The following DNMT1 variants were observed in gnomAD, a reference collection of about 807,000 sequenced individuals.
DNMT1 encodes the protein DNA methyltransferase 1, also known as DNA (cytosine-5)-methyltransferase 1.
In DNMT1, 24 loss-of-function variants were observed where a neutral mutation model predicts 205.3. That is an observed-to-expected ratio of 0.12 (90% confidence interval 0.08 to 0.16). DNMT1 has a LOEUF of 0.16. Among genes scored for constraint, DNMT1 ranks in the 10% least tolerant of loss-of-function variants. The probability of loss-of-function intolerance (pLI) is 1.00; values close to 1 mark genes in which losing one functional copy is unlikely to be tolerated. For missense variants in DNMT1, 1,293 were observed against 2,177.7 expected (o/e 0.59, Z 8.09); for synonymous variants, 817 against 839.8 (o/e 0.97, Z 0.47).
chr19:10,137,140 C>A lies in DNMT1; in HGVS notation c.4434G>T (p.Arg1478Ser), dbSNP rs755902999. The A allele has an allele frequency of 6.2e-7, 1 of 1,611,010 alleles. No homozygotes were observed. The highest frequency in any genetic ancestry group is 8.5e-7 in the Non-Finnish European group (1 of 1,179,236). ...CCCCAGAGCTGCTGCGGCCGTTCTT[C>A]CTGTCATGGTGGGTATACCGCAGCT... is the stretch of plus-strand genomic sequence containing the variant. The part of the protein sequence containing the change: ...ARKLRYTHHD[R>S]KNGRSSSGAL... The change falls in exon 37 of 41, where the codon AGG becomes AGT. Residue 1478 changes from arginine (R) to serine (S), a missense_variant. Coordinates refer to ENST00000359526, the MANE Select transcript of DNMT1 (RefSeq NM_001130823.3). This position sits in a 1 kb window ranked among gnomAD's most constrained non-coding sequence, Gnocchi z 6.4.
intron 7 of DNMT1, among the ~76,000 whole-genome samples, chr19:10,175,084 T>TACACACACACACACACACAC (rs201133845): frequency 8.8e-6 from 1 of 113,900 alleles, no homozygotes; most frequent in Non-Finnish European, 1.8e-5. Flanking sequence ...CATACATACA[T>TACACACACACACACACACAC]ACACACACAC....
chr19:10,175,078 C>G (rs543695785), intron 7 of DNMT1, among the ~76,000 whole-genome samples: 279 of 107,340 alleles, frequency 2.6e-3, no homozygotes, highest in African/African-American at 0.011. Flanking sequence ...TAAATACATA[C>G]ATACATACAC....
intron 12 of DNMT1, 66 bp downstream of exon 12, chr19:10,163,260 C>T: frequency 6.3e-7 from 1 of 1,578,260 alleles, no homozygotes. Context: ...AGCCACCACA[C>T]CTGGCCTAGA....
rs1395429926 is a variant in DNMT1 at position 10,151,003 on chromosome 19, G to A, written c.2265+395C>T. Among the ~76,000 whole-genome samples, 8 of 152,340 alleles carry A rather than the reference G, an allele frequency of 5.3e-5. No homozygotes were observed. The highest frequency in any genetic ancestry group is 1.7e-4 in the African/African-American group (7 of 41,590). On this transcript the variant is annotated intron_variant, in intron 24 of 40. Coordinates refer to ENST00000359526, the MANE Select transcript of DNMT1 (RefSeq NM_001130823.3). The surrounding 1 kb of genome is among the most constrained non-coding windows in gnomAD (Gnocchi z 5.0). ...TCAGCTATTCAGGAGGGTGGGGCAG[G>A]AGAATCGCTTGAACCTGGGAGGCAG... is the stretch of plus-strand genomic sequence containing the variant.
In DNMT1 at chr19:10,173,075, GT is replaced by G; in HGVS notation, c.768+14del. ...TAAGGGAGAATTAACAAACTTAGAG[GT>G]GATAGAGCTTTACTTTTTCATCTCT... is the stretch of plus-strand genomic sequence containing the variant. On this transcript the variant is annotated intron_variant, in intron 9 of 40. Coordinates refer to ENST00000359526, the MANE Select transcript of DNMT1 (RefSeq NM_001130823.3). 1 of 1,614,028 alleles carries G rather than the reference GT, an allele frequency of 6.2e-7. No individual in the cohort carries two copies.
intron 9 of DNMT1, 136 bp from the exon 10 acceptor site, chr19:10,168,500 G>T: frequency 1.2e-6 from 1 of 849,790 alleles, no homozygotes. Context: ...CTACCAGTGG[G>T]CACAGTAGCT....
At chr19:10,170,439 G>C (rs2038792697) in intron 9 of DNMT1, among the ~76,000 whole-genome samples, 2 of 152,128 alleles carry the variant, frequency 1.3e-5, no homozygotes, top group Non-Finnish European at 1.5e-5. Flanking sequence ...AGGAGTTCGA[G>C]ACCAGCCTAG....
intron 1 of DNMT1, among the ~76,000 whole-genome samples, chr19:10,182,357 GTA>G (rs970515678): frequency 2.5e-4 from 38 of 149,926 alleles, no homozygotes; most frequent in African/African-American, 7.6e-4. Flanking sequence ...ACAATTATGT[GTA>G]TGTGTGTGTG....
chr19:10,177,463 G>C, intron 5 of DNMT1, 96 bp from the exon 6 acceptor site: 1 of 1,215,964 alleles, frequency 8.2e-7, no homozygotes, highest in Non-Finnish European at 1.2e-6. Context: ...CTAAGCTATT[G>C]CAGGAAGCCA....
chr19:10,144,842 G>A (rs6511570), intron 28 of DNMT1: 53,491 of 152,076 alleles, frequency 0.35, 10,114 homozygotes, highest in Non-Finnish European at 0.43. Context: ...AGGTTCAAGC[G>A]ATTCTCGTGC....
chr19:10,136,622 G>T (rs10404658), intron 37 of DNMT1, among the ~76,000 whole-genome samples: 2,361 of 152,258 alleles, frequency 0.016, 70 homozygotes, highest in African/African-American at 0.054. Context: ...TTTTAATAGA[G>T]ATGGGGTTTC....
At chr19:10,170,407 G>A (rs558793761) in intron 9 of DNMT1, among the ~76,000 whole-genome samples, 261 of 152,336 alleles carry the variant, frequency 1.7e-3, no homozygotes, top group Non-Finnish European at 3.3e-3. Context: ...GGGAGGCCGA[G>A]GCGGGTGGAT....
At chr19:10,175,689 C>G in intron 6 of DNMT1, 71 bp from the exon 7 acceptor site, 1 of 1,420,410 alleles carries the variant, frequency 7.0e-7, no homozygotes, top group South Asian at 1.1e-5. Context: ...GAAGTGGACC[C>G]TCATTCACCA....
Position 10,151,624 on chromosome 19 carries a change from G to C in DNMT1, c.2118-79C>G. On this transcript the variant is annotated intron_variant, in intron 23 of 40. Coordinates refer to ENST00000359526, the MANE Select transcript of DNMT1 (RefSeq NM_001130823.3). This position sits in a 1 kb window ranked among gnomAD's most constrained non-coding sequence, Gnocchi z 5.0. The stretch of plus-strand genomic sequence containing the variant: ...GGCTGTTTTCTTCATAACAGGGACA[G>C]GTCCTGAGACAATGCCTAACGAAGG... 1 of 1,610,278 alleles carries C rather than the reference G, an allele frequency of 6.2e-7. No individual in the cohort carries two copies. The highest frequency in any genetic ancestry group is 8.5e-7 in the Non-Finnish European group (1 of 1,178,648).
intron 1 of DNMT1, among the ~76,000 whole-genome samples, chr19:10,193,831 C>T (rs1039003006): frequency 6.6e-6 from 1 of 152,076 alleles, no homozygotes; most frequent in Non-Finnish European, 1.5e-5. Context: ...CTGGAAGTGT[C>T]CACGCCTGGT....
chr19:10,173,481 CT>C (rs1180155491), intron 8 of DNMT1, among the ~76,000 whole-genome samples: 2 of 151,018 alleles, frequency 1.3e-5, no homozygotes, highest in Admixed American at 6.6e-5. Flanking sequence ...CGATAAAGTT[CT>C]TCTTTTTAAA....
At chr19:10,181,211 C>G (rs1042356684) in intron 2 of DNMT1, among the ~76,000 whole-genome samples, 1 of 152,046 alleles carries the variant, frequency 6.6e-6, no homozygotes, top group African/African-American at 2.4e-5. Flanking sequence ...TTTGGGAGGC[C>G]GAGGCAAGTG....
intron 1 of DNMT1, among the ~76,000 whole-genome samples, chr19:10,194,272 G>A (rs1001434630): frequency 6.6e-6 from 1 of 152,202 alleles, no homozygotes; most frequent in Non-Finnish European, 1.5e-5. Context: ...TCGAACATGA[G>A]CCAGCCCAGC....
At chr19:10,139,161 G>C (rs1328276735) in intron 34 of DNMT1, among the ~76,000 whole-genome samples, 1 of 152,168 alleles carries the variant, frequency 6.6e-6, no homozygotes, top group Non-Finnish European at 1.5e-5. Context: ...ATAAGGCCTG[G>C]GCCCCACAGA....
Sources: allele counts gnomAD v4.1 joint callset (sites outside exome capture counted in the v4.1 genomes callset), GRCh38; gene constraint gnomAD v4.1.1; non-coding constraint Gnocchi (gnomAD v3.1); transcripts MANE v1.5; gene names NCBI Gene and HGNC (gene_info 2026-07-23, HGNC 2026-07-21).